The following TOX2 variants were observed in gnomAD, a reference collection of about 807,000 sequenced individuals.
TOX2 encodes TOX high mobility group box family member 2, also known as granulosa cell HMG box 1.
In TOX2, 15 loss-of-function variants were observed where a neutral mutation model predicts 47.4. That is an observed-to-expected ratio of 0.32 (90% CI 0.21 to 0.49). The LOEUF is 0.49. Ranked by LOEUF, TOX2 falls within the 20% of genes least tolerant of loss-of-function variation. The probability of loss-of-function intolerance (pLI) is 0.99; values close to 1 mark genes in which losing one functional copy is unlikely to be tolerated. For synonymous variants in TOX2, 290 were observed against 296.6 expected, an observed-to-expected ratio of 0.98 and a Z score of 0.23; for missense variants, 622 against 673.1, an observed-to-expected ratio of 0.92 and a Z score of 0.84.
chr20:44,051,747 A>T (rs2071516443), intron 4 of TOX2, among the ~76,000 whole-genome samples: 1 of 152,146 alleles, frequency 6.6e-6, no homozygotes, highest in South Asian at 2.1e-4. Flanking sequence ...GTTTTCTGTT[A>T]AGACCCCCAG....
chr20:44,044,118 T>C (rs994262069), intron 3 of TOX2, among the ~76,000 whole-genome samples: 17 of 99,316 alleles, frequency 1.7e-4, no homozygotes, highest in Admixed American at 1.5e-3. Flanking sequence ...TGAGTTCACG[T>C]CCTTTGTAGG....
chr20:44,060,044 GGTA>G (rs2071689763), intron 5 of TOX2, among the ~76,000 whole-genome samples: 1 of 152,030 alleles, frequency 6.6e-6, no homozygotes. Context: ...ATAACCTTTA[GGTA>G]AAGGGGTGGA....
intron 1 of TOX2, among the ~76,000 whole-genome samples, chr20:43,932,347 A>G (rs1569008288): frequency 6.6e-6 from 1 of 152,104 alleles, no homozygotes; most frequent in East Asian, 1.9e-4. Context: ...GGTCTTTGTG[A>G]TCTCAGGGAC....
chr20:43,984,461 G>T (rs2070229499), intron 2 of TOX2, among the ~76,000 whole-genome samples: 1 of 152,192 alleles, frequency 6.6e-6, no homozygotes, highest in African/African-American at 2.4e-5. Flanking sequence ...AGAAAAAATG[G>T]CCTAGCTTCT....
chr20:44,006,792 G>T lies in TOX2; in HGVS notation c.411G>T (p.Thr137=). 6.2e-7 allele frequency: 1 copy of T among 1,612,498 alleles called. No individual in the cohort carries two copies. Among genetic ancestry groups the T allele is most frequent in the South Asian group, 1.1e-5 (1 of 90,972 alleles). The change falls in exon 3 of 9, where the codon ACG becomes ACT. Residue 137 remains threonine, a splice_region_variant and synonymous_variant. Coordinates refer to ENST00000341197, the MANE Select transcript of TOX2 (RefSeq NM_001098797.2). ...DSHLLSGQLP[T]IQEMVHSEVA... ...ACCTGCTGTCGGGCCAGCTGCCCAC[G>T]GTGAGTCCCTATCGCCTGCTGCAGT...
intron 3 of TOX2, among the ~76,000 whole-genome samples, chr20:44,026,251 A>AT (rs1244142038): frequency 3.1e-5 from 2 of 65,560 alleles, no homozygotes; most frequent in Admixed American, 1.2e-4. Flanking sequence ...ATATATATAG[A>AT]CACACACACA....
chr20:43,980,932 A>G (rs1158930326), intron 2 of TOX2, among the ~76,000 whole-genome samples: 1 of 152,244 alleles, frequency 6.6e-6, no homozygotes, highest in Non-Finnish European at 1.5e-5. Flanking sequence ...TTGGGCAAGA[A>G]TATTTTCAAC....
intron 3 of TOX2, among the ~76,000 whole-genome samples, chr20:44,046,644 A>G (rs921698653): frequency 3.3e-5 from 5 of 152,254 alleles, no homozygotes; most frequent in Non-Finnish European, 7.3e-5. Flanking sequence ...TGATTCAGCT[A>G]CCACATGGAT....
intron 5 of TOX2, among the ~76,000 whole-genome samples, chr20:44,056,333 G>GT (rs1469340882): frequency 1.3e-5 from 2 of 152,264 alleles, no homozygotes; most frequent in African/African-American, 4.8e-5. Context: ...GCAGGGCACT[G>GT]TGGCTTTTGC....
chr20:44,054,987 T>C (rs1246473668), intron 5 of TOX2, among the ~76,000 whole-genome samples: 1 of 152,172 alleles, frequency 6.6e-6, no homozygotes, highest in Non-Finnish European at 1.5e-5. Context: ...ACCTAAACTC[T>C]CTGAGCCTCG....
At chr20:43,979,521 C>T (rs1200239357) in intron 2 of TOX2, among the ~76,000 whole-genome samples, 1 of 151,980 alleles carries the variant, frequency 6.6e-6, no homozygotes, top group East Asian at 1.9e-4. Flanking sequence ...AAATAAAATC[C>T]TTTGATAATG....
At chr20:44,027,857 T>C (rs1376144559) in intron 3 of TOX2, among the ~76,000 whole-genome samples, 2 of 151,738 alleles carry the variant, frequency 1.3e-5, no homozygotes, top group Admixed American at 1.3e-4. Context: ...TGCTTCGAGG[T>C]GGAGGATGTA....
chr20:43,929,959 C>T (rs896980582), intron 1 of TOX2, among the ~76,000 whole-genome samples: 22 of 152,196 alleles, frequency 1.4e-4, no homozygotes, highest in Non-Finnish European at 2.9e-4. Context: ...CCACCCGCCT[C>T]GGCCTCCCGA....
At chr20:43,996,101 C>T (rs2070473682) in intron 2 of TOX2, among the ~76,000 whole-genome samples, 1 of 152,188 alleles carries the variant, frequency 6.6e-6, no homozygotes, top group South Asian at 2.1e-4. Flanking sequence ...TTGCTTTCCA[C>T]AATGGTTGAA....
intron 1 of TOX2, among the ~76,000 whole-genome samples, chr20:43,956,085 G>A (rs1344600467): frequency 2.0e-5 from 3 of 152,134 alleles, no homozygotes; most frequent in South Asian, 2.1e-4. Flanking sequence ...CTCTGCCCTC[G>A]CCTGGCTAGT....
intron 3 of TOX2, among the ~76,000 whole-genome samples, chr20:44,007,741 G>T (rs2070712220): frequency 6.6e-6 from 1 of 152,120 alleles, no homozygotes; most frequent in South Asian, 2.1e-4. Flanking sequence ...TTAGGAGGCT[G>T]AGGTGGGAGG....
At chr20:43,922,863 T>G (rs759940841) in intron 1 of TOX2, among the ~76,000 whole-genome samples, 4 of 152,246 alleles carry the variant, frequency 2.6e-5, no homozygotes, top group Non-Finnish European at 5.9e-5. Flanking sequence ...TGCTGGGGAT[T>G]CAGCCCTGTC....
intron 1 of TOX2, among the ~76,000 whole-genome samples, chr20:43,952,320 G>A (rs1352332171): frequency 6.6e-6 from 1 of 152,152 alleles, no homozygotes; most frequent in Non-Finnish European, 1.5e-5. Flanking sequence ...TTACAGGTGT[G>A]AGCCACTGCC....
intron 1 of TOX2, among the ~76,000 whole-genome samples, chr20:43,960,117 C>A (rs570500880): frequency 1.3e-5 from 2 of 152,164 alleles, no homozygotes; most frequent in Non-Finnish European, 2.9e-5. Context: ...ATTATAGGAA[C>A]GGATGTTTGT....
Sources: gnomAD v4.1 joint callset for allele counts (sites outside exome capture counted in the v4.1 genomes callset) on GRCh38, gnomAD v4.1.1 for gene constraint, MANE v1.5 for transcripts, NCBI Gene and HGNC (gene_info 2026-07-23, HGNC 2026-07-21) for gene names.